Variants in PFKFB3 observed in about 807,000 individuals in gnomAD.
The protein encoded by PFKFB3 is 6-phosphofructo-2-kinase/fructose-2,6-bisphosphatase 3.
PFKFB3 carries 33 observed loss-of-function variants against 68.0 expected under a neutral mutation model. That is an observed-to-expected ratio of 0.49 (90% CI 0.37 to 0.65). The LOEUF (loss-of-function observed/expected upper bound fraction) is 0.65. PFKFB3 is among the 30% of genes least tolerant of loss of function. The probability of loss-of-function intolerance (pLI) is 0.00; values close to 1 mark genes in which losing one functional copy is unlikely to be tolerated. For missense variants in PFKFB3, 586 were observed against 712.2 expected, an observed-to-expected ratio of 0.82 and a Z score of 2.02; for synonymous variants, 315 against 288.2, an observed-to-expected ratio of 1.09 and a Z score of -0.94.
At chr10:6,177,423 T>C (rs1842529444) in intron 1 of PFKFB3, among the ~76,000 whole-genome samples, 1 of 118,564 alleles carries the variant, frequency 8.4e-6, no homozygotes, top group Non-Finnish European at 1.8e-5. Flanking sequence ...TTCTCTTTCT[T>C]CCTTTCTTTT....
intron 1 of PFKFB3, among the ~76,000 whole-genome samples, chr10:6,170,638 G>A (rs1338199890): frequency 6.6e-6 from 1 of 152,166 alleles, no homozygotes; most frequent in Non-Finnish European, 1.5e-5. Flanking sequence ...AGGAGCAAAA[G>A]TAGAGGGAGC....
At chr10:6,165,566 A>G (rs938430462) in intron 1 of PFKFB3, among the ~76,000 whole-genome samples, 3 of 152,124 alleles carry the variant, frequency 2.0e-5, no homozygotes, top group Non-Finnish European at 2.9e-5. Flanking sequence ...AGGGATGAAC[A>G]TGTCTGGCGT....
At chr10:6,181,833 T>C (rs1453687545) in intron 1 of PFKFB3, among the ~76,000 whole-genome samples, 2 of 147,680 alleles carry the variant, frequency 1.4e-5, no homozygotes, top group Non-Finnish European at 3.0e-5. Flanking sequence ...AAATACTGCA[T>C]GATTCCACTC....
At chr10:6,254,158 ATGTACTCCTTCC>A (rs938363203) in intron 14 of PFKFB3, 1 of 394,754 alleles carries the variant, frequency 2.5e-6, no homozygotes, top group African/African-American at 2.1e-5. Flanking sequence ...CTAATCCACA[ATGTACTCCTTCC>A]TGTTTAGGAG....
chr10:6,146,418 G>A (rs1168140400), intron 1 of PFKFB3: 1 of 1,535,630 alleles, frequency 6.5e-7, no homozygotes, highest in Non-Finnish European at 8.7e-7. Flanking sequence ...CAGCCAGCAA[G>A]CAGGGGCTCT....
Position 6,177,384 on chromosome 10 carries a change from C to CTT in PFKFB3, c.16+32373_16+32374dup, listed in dbSNP as rs1297789274. ...TCTTTCTTTCTTTCTTTCTTTCTTT[C>CTT]TTTCTTTCTTTCTTTCTTTCTTTCT... On this transcript the variant is annotated intron_variant, in intron 1 of 14. Transcript: ENST00000379789. Among the ~76,000 whole-genome samples the CTT allele has an allele frequency of 3.6e-5, 4 of 111,614 alleles. No individual in the cohort carries two copies. In the Admixed American group the frequency reaches 3.7e-4, roughly 10 times the overall value. 73.2% of individuals were successfully genotyped at this position (111,614 alleles called of 152,430 possible).
rs866252531 is a variant in PFKFB3, at chr10:6,215,508, G to C, written c.299+191G>C. ...CTTGCTTTGTTCTGAGCCAGGCTCT[G>C]TAGGAGGCAGAGAAAGCCGGCCTGC... On this transcript the variant is annotated intron_variant, in intron 3 of 14. Coordinates refer to ENST00000379775, the MANE Select transcript of PFKFB3 (RefSeq NM_004566.4). This position sits in a 1 kb window ranked among gnomAD's most constrained non-coding sequence, Gnocchi z 4.3. 2.7e-5 allele frequency among the ~76,000 whole-genome samples: 4 copies of C among 148,716 alleles called. No individual in the cohort carries two copies. Among genetic ancestry groups the C allele is most frequent in the Non-Finnish European group, 6.0e-5 (4 of 66,906 alleles).
intron 1 of PFKFB3, among the ~76,000 whole-genome samples, chr10:6,156,393 T>C (rs1330853062): frequency 6.6e-6 from 1 of 152,044 alleles, no homozygotes; most frequent in Non-Finnish European, 1.5e-5. Context: ...TGGGCTCAAA[T>C]GATCCTCCCA....
chr10:6,260,413 CAAAAAAA>C, the PFKFB3 span, among the ~76,000 whole-genome samples: 8 of 86,946 alleles, frequency 9.2e-5, no homozygotes, highest in African/African-American at 2.8e-4. Flanking sequence ...GACTCCGTCT[CAAAAAAA>C]AAAAAAAAAA....
chr10:6,293,251 A>G, the PFKFB3 span: 17 of 447,406 alleles, frequency 3.8e-5, no homozygotes, highest in Admixed American at 3.2e-4. Flanking sequence ...CCTTCAGTCC[A>G]GTGACCTTCT....
chr10:6,200,374 G>C (rs1043595291), upstream of PFKFB3, among the ~76,000 whole-genome samples: 13 of 152,172 alleles, frequency 8.5e-5, no homozygotes, highest in African/African-American at 3.1e-4. Context: ...GCCCTAGTTG[G>C]ACATTTGGGG....
At chr10:6,217,342 A>G in intron 6 of PFKFB3, 151 bp downstream of exon 6, 1 of 734,092 alleles carries the variant, frequency 1.4e-6, no homozygotes. Context: ...GGGAGGTCAG[A>G]CCTACAGAGC....
chr10:6,278,059 A>G, the PFKFB3 span, among the ~76,000 whole-genome samples: 2 of 151,978 alleles, frequency 1.3e-5, no homozygotes, highest in African/African-American at 4.8e-5. Context: ...CTGGGACTAC[A>G]GGCATGTACC....
chr10:6,272,241 TC>T, the PFKFB3 span, among the ~76,000 whole-genome samples: 3 of 152,212 alleles, frequency 2.0e-5, no homozygotes, highest in Non-Finnish European at 4.4e-5. Flanking sequence ...GTCCCTTCTG[TC>T]CCTTAGGACT....
chr10:6,274,141 A>G, the PFKFB3 span, among the ~76,000 whole-genome samples: 71,211 of 151,810 alleles, frequency 0.47, 18,914 homozygotes, highest in Non-Finnish European at 0.62. Flanking sequence ...TCAAGGCTGC[A>G]GTGGGCTATG....
chr10:6,175,388 A>G (rs953250066), intron 1 of PFKFB3, among the ~76,000 whole-genome samples: 1 of 152,046 alleles, frequency 6.6e-6, no homozygotes, highest in Non-Finnish European at 1.5e-5. Context: ...GAGCACTTGG[A>G]TTTGCCTGGC....
At chr10:6,316,147 T>A in the PFKFB3 span, among the ~76,000 whole-genome samples, 1 of 152,084 alleles carries the variant, frequency 6.6e-6, no homozygotes, top group Non-Finnish European at 1.5e-5. Context: ...GTTCATGAGG[T>A]GGACTGTGAT....
chr10:6,146,135 G>T (rs1309295152), intron 1 of PFKFB3: 3 of 697,534 alleles, frequency 4.3e-6, no homozygotes, highest in East Asian at 1.3e-4. Context: ...GAGGACTGGG[G>T]GTGTGTGTGG....
rs1028581346 is a variant in PFKFB3 at position 6,204,394 on chromosome 10, G to C, written c.76+1058G>C. ...ATCCGAAGGCGCCTGAGCGCAGGCG[G>C]CTGGCAGGCAGGGTTGCCCGGCTAC... On this transcript the variant is annotated intron_variant, in intron 1 of 14. Transcript: ENST00000379775. 3.9e-5 allele frequency among the ~76,000 whole-genome samples: 6 copies of C among 152,370 alleles called. No homozygotes were observed. The East Asian group carries it at 1.2e-3, about 29-fold the overall frequency.
Sources: gnomAD v4.1 joint callset for allele counts (sites outside exome capture counted in the v4.1 genomes callset) on GRCh38, gnomAD v4.1.1 for gene constraint, Gnocchi (gnomAD v3.1) non-coding constraint, MANE v1.5 for transcripts, NCBI Gene and HGNC (gene_info 2026-07-23, HGNC 2026-07-21) for gene names.